ABI3BP: variants seen among roughly 807,000 people sequenced by gnomAD.
ABI3BP encodes ABI family member 3 binding protein, also known as target of Nesh-SH3.
ABI3BP carries 216 observed loss-of-function variants against 268.6 expected under a neutral mutation model. That is an observed-to-expected ratio of 0.80 (90% CI 0.72 to 0.90). ABI3BP has a LOEUF of 0.90. Ranked by LOEUF, ABI3BP falls within the 40% of genes least tolerant of loss-of-function variation. The pLI, the probability that ABI3BP is intolerant of heterozygous loss-of-function variation, is 0.00. For synonymous variants in ABI3BP, 730 were observed against 730.0 expected (o/e 1.00, Z 0.00); for missense variants, 2,090 against 2,182.4 (o/e 0.96, Z 0.84).
intron 63 of ABI3BP, 42 bp downstream of exon 63, chr3:100,765,799 T>G (rs779357325): frequency 7.1e-7 from 1 of 1,401,614 alleles, no homozygotes; most frequent in African/African-American, 1.4e-5. Context: ...GTTATAACTT[T>G]TGCACTCTCA....
chr3:100,778,147 G>A, intron 59 of ABI3BP, 137 bp downstream of exon 59: 3 of 793,474 alleles, frequency 3.8e-6, no homozygotes, highest in Non-Finnish European at 4.1e-6. Context: ...ATCATTTACA[G>A]TGTCTAGTCT....
At chr3:100,978,177 G>A (rs748124609) in intron 1 of ABI3BP, among the ~76,000 whole-genome samples, 7 of 152,170 alleles carry the variant, frequency 4.6e-5, no homozygotes, top group Non-Finnish European at 8.8e-5. Context: ...CACACACAAT[G>A]TTTTCAGCTG....
Position 100,772,950 on chromosome 3 carries a change from A to G in ABI3BP, c.4531+1655T>C, listed in dbSNP as rs144586449. Among the ~76,000 whole-genome samples, 512 of 151,782 alleles carry G rather than the reference A, an allele frequency of 3.4e-3. 4 individuals carry two copies. The highest frequency in any genetic ancestry group is 4.9e-3 in the Non-Finnish European group (335 of 67,890). Reference sequence around the variant, plus strand: ...AAAAACTATGGGGATGGTGACGGGCACCTGTAATCTCAGCTGCTTGGGGAG... The same window carrying G: ...AAAAACTATGGGGATGGTGACGGGCGCCTGTAATCTCAGCTGCTTGGGGAG... On this transcript the variant is annotated intron_variant, in intron 61 of 67. Coordinates refer to ENST00000471714, the MANE Select transcript of ABI3BP (RefSeq NM_001375547.2).
chr3:100,917,007 G>T (rs1168111503), intron 2 of ABI3BP, among the ~76,000 whole-genome samples: 1 of 152,184 alleles, frequency 6.6e-6, no homozygotes. Context: ...ATAAAACAGG[G>T]TATATAGTTA....
chr3:100,751,663 T>C lies in ABI3BP; in HGVS notation c.5134A>G (p.Asn1712Asp). 4 of 1,593,368 alleles carry C rather than the reference T, an allele frequency of 2.5e-6. No individual in the cohort carries two copies. Among genetic ancestry groups the C allele is most frequent in the Non-Finnish European group, 3.4e-6 (4 of 1,170,912 alleles). Residue 1712 changes from asparagine to aspartate, a missense_variant, in exon 67 of 68, where the codon AAC becomes GAC. Coordinates refer to ENST00000471714, the MANE Select transcript of ABI3BP (RefSeq NM_001375547.2). Reference sequence around the variant, plus strand: ...CCATGGCCCCTCTGATCACCTATGTTATAAAATTTTCCTGAAGAACCAGAA... The same window carrying C: ...CCATGGCCCCTCTGATCACCTATGTCATAAAATTTTCCTGAAGAACCAGAA... The part of the protein sequence containing the change: ...LSDSLTGKFY[N>D]IGDQRGHGED...
intron 53 of ABI3BP, among the ~76,000 whole-genome samples, chr3:100,795,477 A>G (rs945781221): frequency 1.3e-5 from 2 of 152,088 alleles, no homozygotes; most frequent in African/African-American, 4.8e-5. Context: ...ACCACATACT[A>G]GTATGTTACA....
chr3:100,929,030 G>A (rs929139653), intron 1 of ABI3BP, among the ~76,000 whole-genome samples: 1 of 151,952 alleles, frequency 6.6e-6, no homozygotes, highest in Non-Finnish European at 1.5e-5. Context: ...ACTTCACCCT[G>A]CTCAATAGAA....
intron 2 of ABI3BP, among the ~76,000 whole-genome samples, chr3:100,925,682 G>A (rs529167528): frequency 2.0e-4 from 31 of 152,106 alleles, no homozygotes; most frequent in African/African-American, 6.5e-4. Context: ...CCAAAGTGCT[G>A]TGATTACAGA....
intron 40 of ABI3BP, 145 bp from the exon 41 acceptor site, chr3:100,818,726 C>G: frequency 1.4e-6 from 1 of 699,966 alleles, no homozygotes; most frequent in South Asian, 1.9e-5. Flanking sequence ...CATCTTATAG[C>G]CAGATAAACA....
intron 1 of ABI3BP, among the ~76,000 whole-genome samples, chr3:100,965,591 T>G (rs1222176438): frequency 1.3e-5 from 2 of 152,126 alleles, no homozygotes; most frequent in Non-Finnish European, 2.9e-5. Context: ...CATCATTAAT[T>G]TAAAATAAAT....
At chr3:100,850,875 T>TCACTTTTGAAGG in intron 15 of ABI3BP, 141 bp from the exon 16 acceptor site, 1 of 614,936 alleles carries the variant, frequency 1.6e-6, no homozygotes. Flanking sequence ...ATTTTAAAAC[T>TCACTTTTGAAGG]AGTGATACAT....
chr3:100,984,048 G>C (rs1320301008), intron 1 of ABI3BP, among the ~76,000 whole-genome samples: 3 of 151,908 alleles, frequency 2.0e-5, no homozygotes, highest in African/African-American at 7.2e-5. Flanking sequence ...TACTCATCAA[G>C]AAAGATTTAT....
At chr3:100,814,730 A>C (rs1301308550) in intron 44 of ABI3BP, among the ~76,000 whole-genome samples, 1 of 152,130 alleles carries the variant, frequency 6.6e-6, no homozygotes, top group Non-Finnish European at 1.5e-5. Context: ...TTGGGTACAC[A>C]AAGAATGAGG....
chr3:100,920,975 C>T (rs547771195), intron 2 of ABI3BP, among the ~76,000 whole-genome samples: 1 of 152,180 alleles, frequency 6.6e-6, no homozygotes, highest in South Asian at 2.1e-4. Flanking sequence ...CATCCTTGTC[C>T]AGGACTTTTT....
intron 54 of ABI3BP, 24 bp from the exon 55 acceptor site, chr3:100,792,792 CT>C (rs746225433): frequency 2.5e-6 from 4 of 1,596,588 alleles, no homozygotes; most frequent in South Asian, 1.1e-5. Flanking sequence ...AGTAAGATTG[CT>C]TGTTTTAAAT....
chr3:100,879,279 G>T (rs1303897635), intron 6 of ABI3BP, among the ~76,000 whole-genome samples: 2 of 152,166 alleles, frequency 1.3e-5, no homozygotes, highest in East Asian at 3.9e-4. Flanking sequence ...CATGGGAGCT[G>T]CCAGGCAAGA....
chr3:100,934,139 C>G (rs890282687), intron 1 of ABI3BP, among the ~76,000 whole-genome samples: 4 of 151,878 alleles, frequency 2.6e-5, no homozygotes, highest in Non-Finnish European at 5.9e-5. Context: ...CCTAACCCCC[C>G]ACCCCCAAAA....
rs188720017 is a variant in ABI3BP at position 100,824,680 on chromosome 3, G to C, written c.2746+178C>G. Among the ~76,000 whole-genome samples the C allele has an allele frequency of 1.9e-3, 289 of 152,314 alleles. 3 individuals are homozygous for C. The highest frequency in any genetic ancestry group is 6.7e-3 in the African/African-American group (277 of 41,582). On this transcript the variant is annotated intron_variant, in intron 36 of 67. Coordinates refer to ENST00000471714, the MANE Select transcript of ABI3BP (RefSeq NM_001375547.2). Reference sequence around the variant, plus strand: ...AATAAGATATGCTGGCATCAGTTGGGTCTCACCCACACATTATTCTCCTTG... The same window carrying C: ...AATAAGATATGCTGGCATCAGTTGGCTCTCACCCACACATTATTCTCCTTG...
chr3:100,837,131 CA>C lies in ABI3BP; in HGVS notation c.2123del (p.Met708ArgfsTer3). On this transcript the variant is annotated frameshift_variant, in exon 27 of 68. Coordinates refer to ENST00000471714, the MANE Select transcript of ABI3BP (RefSeq NM_001375547.2). LOFTEE classifies it high-confidence loss of function. ...PVPFETEAPS[M>X]TIVPTTDIEP... ...GGAAGAAAGCATCATTACCTATGGT[CA>C]TTGAGGGAGCTTCAGTTTCAAATGG... 1.3e-6 allele frequency: 2 copies of C among 1,534,586 alleles called. No homozygotes were observed. The highest frequency in any genetic ancestry group is 2.4e-5 in the South Asian group (2 of 83,852).
Sources: gnomAD v4.1 joint callset for allele counts (sites outside exome capture counted in the v4.1 genomes callset) on GRCh38, gnomAD v4.1.1 for gene constraint, MANE v1.5 for transcripts, NCBI Gene and HGNC (gene_info 2026-07-23, HGNC 2026-07-21) for gene names.